FRMPD4: variants seen among roughly 807,000 people sequenced by gnomAD.
The protein encoded by FRMPD4 is FERM and PDZ domain-containing protein 4.
Under a neutral mutation model 94.1 loss-of-function variants are expected in FRMPD4, and 22 were observed. The observed-to-expected ratio is 0.23, with a 90% confidence interval of 0.17 to 0.33. The LOEUF is 0.33. Ranked by LOEUF, FRMPD4 falls within the 10% of genes least tolerant of loss-of-function variation. The pLI is 1.00. For synonymous variants in FRMPD4, 631 were observed against 548.6 expected, an observed-to-expected ratio of 1.15 and a Z score of -2.10; for missense variants, 1,111 against 1,339.9, an observed-to-expected ratio of 0.83 and a Z score of 2.67.
At chrX:11,963,677 A>C (rs778717993) in intron 3 of FRMPD4, among the ~76,000 whole-genome samples, 24 of 112,465 alleles carry the variant, frequency 2.1e-4, no homozygotes, top group Non-Finnish European at 4.3e-4. Context: ...AGCTGAGGGC[A>C]GAGATGCATG....
intron 3 of FRMPD4, among the ~76,000 whole-genome samples, chrX:11,924,206 A>T (rs1216077202): frequency 8.9e-6 from 1 of 112,264 alleles, no homozygotes; most frequent in Non-Finnish European, 1.9e-5. Context: ...TAGTTTTATA[A>T]AATAAGACAG....
intron 1 of FRMPD4, among the ~76,000 whole-genome samples, chrX:12,364,988 G>A (rs960973515): frequency 1.8e-5 from 2 of 112,577 alleles, no homozygotes; most frequent in African/African-American, 6.5e-5. Flanking sequence ...CTGGCCTAGA[G>A]GCCCATTGCG....
chrX:12,439,282 T>G (rs6530517), intron 1 of FRMPD4, among the ~76,000 whole-genome samples: 19,048 of 111,077 alleles, frequency 0.17, 2,510 homozygotes, highest in African/African-American at 0.45. Flanking sequence ...TGGCTACGGC[T>G]ATTGCTCTGA....
chrX:12,473,212 T>G (rs1262026675), intron 1 of FRMPD4, among the ~76,000 whole-genome samples: 1 of 109,770 alleles, frequency 9.1e-6, no homozygotes, highest in African/African-American at 3.5e-5. Context: ...CCAGCCAAGC[T>G]AACCTTCATA....
At chrX:12,195,508 A>C (rs1475979459) in intron 1 of FRMPD4, among the ~76,000 whole-genome samples, 1 of 112,277 alleles carries the variant, frequency 8.9e-6, no homozygotes, top group Non-Finnish European at 1.9e-5. Context: ...AAAAGGAAGC[A>C]ACCTGTGTAC....
chrX:11,849,491 G>A (rs1284714992), intron 1 of FRMPD4, among the ~76,000 whole-genome samples: 2 of 111,052 alleles, frequency 1.8e-5, no homozygotes, highest in East Asian at 2.8e-4. Context: ...AAAAGTTGGG[G>A]GCCTCATACT....
chrX:12,054,336 C>G (rs1337128684), intron 3 of FRMPD4, among the ~76,000 whole-genome samples: 1 of 111,171 alleles, frequency 9.0e-6, no homozygotes, highest in Non-Finnish European at 1.9e-5. Flanking sequence ...GTTTAAAGGA[C>G]AAGCAGGTGG....
At chrX:12,310,861 C>G (rs1352527187) in intron 1 of FRMPD4, among the ~76,000 whole-genome samples, 3 of 112,165 alleles carry the variant, frequency 2.7e-5, no homozygotes, top group Non-Finnish European at 5.6e-5. Flanking sequence ...CTTTATTTAT[C>G]CTTGAACTTT....
intron 2 of FRMPD4, among the ~76,000 whole-genome samples, chrX:12,550,787 T>C (rs2058527343): frequency 9.1e-6 from 1 of 109,862 alleles, no homozygotes; most frequent in African/African-American, 3.4e-5. Flanking sequence ...CACGTACTCA[T>C]ATATACATTT....
intron 1 of FRMPD4, among the ~76,000 whole-genome samples, chrX:12,215,610 C>T (rs1387969870): frequency 2.7e-5 from 3 of 111,875 alleles, no homozygotes; most frequent in South Asian, 7.5e-4. Context: ...TATTATCCTT[C>T]ATTTTAAGAT....
chrX:12,115,460 G>A (rs1191243252), intron 3 of FRMPD4, among the ~76,000 whole-genome samples: 1 of 111,134 alleles, frequency 9.0e-6, no homozygotes, highest in Non-Finnish European at 1.9e-5. Flanking sequence ...TTACAGGTGT[G>A]AGCCACCACT....
At chrX:11,823,265 G>A (rs2053422372) in intron 1 of FRMPD4, among the ~76,000 whole-genome samples, 1 of 108,460 alleles carries the variant, frequency 9.2e-6, no homozygotes, top group African/African-American at 3.4e-5. Context: ...ATGCCAAAGG[G>A]GACATTTGAG....
intron 1 of FRMPD4, among the ~76,000 whole-genome samples, chrX:12,241,749 A>C (rs1431020454): frequency 9.0e-6 from 1 of 110,757 alleles, no homozygotes; most frequent in African/African-American, 3.3e-5. Flanking sequence ...AAAGTTTAAA[A>C]AATTTGCCTG....
At chrX:12,429,104 G>T (rs1489467702) in intron 1 of FRMPD4, among the ~76,000 whole-genome samples, 1 of 111,569 alleles carries the variant, frequency 9.0e-6, no homozygotes, top group Non-Finnish European at 1.9e-5. Context: ...CAGGGGAAGG[G>T]AGCTGATAAC....
intron 1 of FRMPD4, among the ~76,000 whole-genome samples, chrX:12,391,296 A>G: frequency 8.9e-6 from 1 of 112,122 alleles, no homozygotes; most frequent in South Asian, 3.7e-4. Context: ...CAAGAAAGAA[A>G]TAGCTTCTCC....
rs138720397 is a variant in FRMPD4 at position 12,664,572 on chromosome X, A to G, written c.423-10291A>G. Among the ~76,000 whole-genome samples, 437 of 111,962 alleles carry G rather than the reference A, an allele frequency of 3.9e-3. 2 individuals are homozygous for G. Among genetic ancestry groups the G allele is most frequent in the Non-Finnish European group, 5.8e-3 (308 of 53,182 alleles). On this transcript the variant is annotated intron_variant, in intron 4 of 16. Transcript: ENST00000675598. ...TGAAGCCGACTTGATCATGGTGGAT[A>G]AGCTTTTTGATGTGCTGCTGGATTT...
intron 1 of FRMPD4, among the ~76,000 whole-genome samples, chrX:12,484,858 T>C (rs904687818): frequency 3.6e-5 from 4 of 112,382 alleles, no homozygotes; most frequent in African/African-American, 9.7e-5. Context: ...TTAATTTCTC[T>C]ACCTACCTAT....
chrX:12,567,024 C>T (rs1256417081), intron 2 of FRMPD4, among the ~76,000 whole-genome samples: 2 of 111,323 alleles, frequency 1.8e-5, no homozygotes, highest in Non-Finnish European at 3.8e-5. Context: ...ATATAATTTT[C>T]CCACAAAGAT....
intron 3 of FRMPD4, among the ~76,000 whole-genome samples, chrX:12,115,876 C>G (rs1182463814): frequency 1.8e-5 from 2 of 111,897 alleles, no homozygotes; most frequent in Non-Finnish European, 3.8e-5. Context: ...AATCCTCACT[C>G]TTCCCTTGCA....
Sources: gnomAD v4.1 joint callset for allele counts (sites outside exome capture counted in the v4.1 genomes callset) on GRCh38, gnomAD v4.1.1 for gene constraint, MANE v1.5 for transcripts, NCBI Gene and HGNC (gene_info 2026-07-23, HGNC 2026-07-21) for gene names.